Variants in THSD7A observed in about 807,000 individuals in gnomAD.
THSD7A encodes the protein thrombospondin type-1 domain-containing protein 7A.
In THSD7A, 96 loss-of-function variants were observed where a neutral mutation model predicts 231.3. The observed-to-expected ratio is 0.41, with a 90% CI of 0.35 to 0.49. The LOEUF is 0.49. Ranked by LOEUF, THSD7A falls within the 20% of genes least tolerant of loss-of-function variation. The probability of loss-of-function intolerance (pLI) is 0.05; values close to 1 mark genes in which losing one functional copy is unlikely to be tolerated. For missense variants in THSD7A, 2,290 were observed against 2,070.2 expected, an observed-to-expected ratio of 1.11 and a Z score of -2.06; for synonymous variants, 940 against 743.3, an observed-to-expected ratio of 1.26 and a Z score of -4.30.
chr7:11,601,773 C>T (rs901827337), intron 2 of THSD7A, among the ~76,000 whole-genome samples: 2 of 152,058 alleles, frequency 1.3e-5, no homozygotes, highest in Non-Finnish European at 2.9e-5. Context: ...TTGGTAGAAC[C>T]CAAAATGTAA....
At chr7:11,498,426 A>G (rs1189412502) in intron 6 of THSD7A, among the ~76,000 whole-genome samples, 2 of 151,970 alleles carry the variant, frequency 1.3e-5, no homozygotes, top group African/African-American at 4.8e-5. Context: ...GAACCTCCCA[A>G]CTGGGACCTC....
In THSD7A at chr7:11,424,827, C is replaced by T; in HGVS notation, c.3252G>A (p.Val1084=). ...PKLDHVNQAQ[V]YEVVPCHSDC... is the part of the protein sequence containing the mutation. ...CACTGTGGCATGGGACAACCTCATA[C>T]ACCTGAAACACACATGGTTCTCAGC... Residue 1084 remains valine, a splice_region_variant and synonymous_variant, in exon 16 of 28, where the codon GTG becomes GTA. Coordinates refer to ENST00000423059, the MANE Select transcript of THSD7A (RefSeq NM_015204.3). The T allele has an allele frequency of 3.7e-6, 6 of 1,613,952 alleles. No homozygotes were observed. The highest frequency in any genetic ancestry group is 1.3e-5 in the African/African-American group (1 of 75,040).
At chr7:11,460,831 G>A (rs1785480095) in intron 10 of THSD7A, 66 bp from the exon 11 acceptor site, 2 of 1,297,382 alleles carry the variant, frequency 1.5e-6, no homozygotes, top group Non-Finnish European at 1.1e-6. Context: ...CAGAGACACA[G>A]CAGCATGGAA....
chr7:11,436,764 GTTT>G (rs1306115151), intron 13 of THSD7A, among the ~76,000 whole-genome samples: 2 of 151,608 alleles, frequency 1.3e-5, no homozygotes, highest in Middle Eastern at 6.8e-3. Flanking sequence ...GCTTAAGATA[GTTT>G]CTTCTTCCTA....
intron 2 of THSD7A, among the ~76,000 whole-genome samples, chr7:11,603,413 C>G (rs1394902669): frequency 5.3e-5 from 8 of 152,084 alleles, no homozygotes; most frequent in Non-Finnish European, 8.8e-5. Context: ...AATAGGCACA[C>G]TTTTACACTG....
intron 4 of THSD7A, among the ~76,000 whole-genome samples, chr7:11,571,422 G>A (rs1359904816): frequency 6.6e-6 from 1 of 152,166 alleles, no homozygotes; most frequent in Non-Finnish European, 1.5e-5. Flanking sequence ...TAAATCATTG[G>A]CCGTGCCTTA....
At chr7:11,704,519 G>T (rs1242198647) in intron 1 of THSD7A, among the ~76,000 whole-genome samples, 12 of 150,782 alleles carry the variant, frequency 8.0e-5, no homozygotes. Flanking sequence ...AAGCAGGAAA[G>T]AGCCAGAGAC....
intron 1 of THSD7A, among the ~76,000 whole-genome samples, chr7:11,692,991 T>A (rs1288553701): frequency 6.6e-6 from 1 of 151,402 alleles, no homozygotes; most frequent in Admixed American, 6.6e-5. Context: ...TGCTATAAGG[T>A]TTTTTTGTTT....
chr7:11,496,528 T>A (rs1162896049), intron 6 of THSD7A, among the ~76,000 whole-genome samples: 1 of 152,054 alleles, frequency 6.6e-6, no homozygotes, highest in Non-Finnish European at 1.5e-5. Flanking sequence ...ACATCCGTAA[T>A]TTTTTTCATG....
rs543329067 is a variant in THSD7A, at chr7:11,430,099, G to A, written c.3065-974C>T. 1.2e-4 allele frequency among the ~76,000 whole-genome samples: 18 copies of A among 152,248 alleles called. No individual in the cohort carries two copies. In the East Asian group the frequency reaches 3.5e-3, roughly 29 times the overall value. On this transcript the variant is annotated intron_variant, in intron 13 of 27. Coordinates refer to ENST00000423059, the MANE Select transcript of THSD7A (RefSeq NM_015204.3). ...TGGAGAGAAGGTGTTCTTGGTACAA[G>A]AAAACACTCTGCCTTGCCATTTTAT...
intron 4 of THSD7A, among the ~76,000 whole-genome samples, chr7:11,565,388 C>A (rs83): frequency 3.3e-5 from 5 of 151,976 alleles, no homozygotes; most frequent in African/African-American, 1.2e-4. Context: ...CACAGACTGT[C>A]GCTTAAACAC....
At chr7:11,768,457 A>G (rs547796965) in intron 1 of THSD7A, among the ~76,000 whole-genome samples, 70 of 152,292 alleles carry the variant, frequency 4.6e-4, no homozygotes, top group Non-Finnish European at 8.5e-4. Flanking sequence ...GAGTCGACAG[A>G]GATAGGAATC....
intron 13 of THSD7A, among the ~76,000 whole-genome samples, chr7:11,440,367 A>G (rs755989925): frequency 1.8e-4 from 28 of 152,100 alleles, no homozygotes; most frequent in Non-Finnish European, 3.5e-4. Flanking sequence ...CACATGGGCC[A>G]AAGAGTAATT....
intron 6 of THSD7A, among the ~76,000 whole-genome samples, chr7:11,529,771 A>G (rs1234916392): frequency 6.6e-6 from 1 of 152,174 alleles, no homozygotes; most frequent in East Asian, 1.9e-4. Context: ...TCTTTATAAC[A>G]ATGTGAGGAT....
intron 6 of THSD7A, among the ~76,000 whole-genome samples, chr7:11,486,479 G>A (rs965805770): frequency 6.6e-6 from 1 of 152,122 alleles, no homozygotes; most frequent in Non-Finnish European, 1.5e-5. Context: ...CCCCACTATA[G>A]AACTATTTGA....
chr7:11,651,486 A>T (rs1325421043), intron 1 of THSD7A, among the ~76,000 whole-genome samples: 2 of 149,666 alleles, frequency 1.3e-5, no homozygotes, highest in African/African-American at 4.9e-5. Flanking sequence ...CTATCTATCA[A>T]CTATCTATCT....
intron 19 of THSD7A, among the ~76,000 whole-genome samples, chr7:11,409,425 A>G (rs1032312020): frequency 1.3e-5 from 2 of 152,206 alleles, no homozygotes; most frequent in Non-Finnish European, 2.9e-5. Context: ...ACATTCAAAT[A>G]TTGTAGTATT....
intron 1 of THSD7A, among the ~76,000 whole-genome samples, chr7:11,784,873 C>T (rs1472167390): frequency 6.6e-6 from 1 of 152,060 alleles, no homozygotes; most frequent in African/African-American, 2.4e-5. Context: ...TTTGTGTTTG[C>T]TTTTGCCAAG....
intron 4 of THSD7A, among the ~76,000 whole-genome samples, chr7:11,552,565 GAT>G (rs74664798): frequency 0.017 from 2,632 of 152,196 alleles, 35 homozygotes; most frequent in Middle Eastern, 0.031. Context: ...TACTTAGGCA[GAT>G]AGTGAGGGTA....
Sources: gnomAD v4.1 joint callset for allele counts (sites outside exome capture counted in the v4.1 genomes callset) on GRCh38, gnomAD v4.1.1 for gene constraint, MANE v1.5 for transcripts, NCBI Gene and HGNC (gene_info 2026-07-23, HGNC 2026-07-21) for gene names.